The following STK39 variants were observed in gnomAD, a reference collection of about 807,000 sequenced individuals.
STK39 encodes the protein serine/threonine kinase 39, also known as STE20/SPS1-related proline-alanine-rich protein kinase.
In STK39, 20 loss-of-function variants were observed where a neutral mutation model predicts 77.8. That is an observed-to-expected ratio of 0.26 (90% confidence interval 0.18 to 0.37). STK39 has a LOEUF of 0.37. Ranked by LOEUF, STK39 falls within the 10% of genes least tolerant of loss-of-function variation. STK39 has a pLI of 1.00. For missense variants in STK39, 479 were observed against 656.5 expected (o/e 0.73, Z 2.95); for synonymous variants, 246 against 234.1 (o/e 1.05, Z -0.47).
At chr2:168,090,918 A>C (rs7581113) in intron 10 of STK39, among the ~76,000 whole-genome samples, 1,947 of 152,280 alleles carry the variant, frequency 0.013, 36 homozygotes, top group African/African-American at 0.045. Context: ...CTGCGAGGAA[A>C]GGCATGGTTC....
intron 14 of STK39, among the ~76,000 whole-genome samples, chr2:168,030,788 C>A (rs983335530): frequency 2.0e-5 from 3 of 152,156 alleles, no homozygotes; most frequent in Non-Finnish European, 4.4e-5. Flanking sequence ...CACTATAAAT[C>A]CTCAAGTTCA....
chr2:168,144,980 GAA>G (rs549856703), intron 5 of STK39, among the ~76,000 whole-genome samples: 1 of 125,884 alleles, frequency 7.9e-6, no homozygotes. Context: ...GCCCGTCTCA[GAA>G]AAAAAAAAAA....
intron 10 of STK39, among the ~76,000 whole-genome samples, chr2:168,085,407 T>C (rs1456166510): frequency 1.3e-5 from 2 of 152,222 alleles, no homozygotes; most frequent in African/African-American, 4.8e-5. Flanking sequence ...GGCAAATCTT[T>C]AAGACGTGTG....
chr2:168,187,969 A>G (rs1352702180), intron 1 of STK39, among the ~76,000 whole-genome samples: 1 of 152,202 alleles, frequency 6.6e-6, no homozygotes, highest in Non-Finnish European at 1.5e-5. Flanking sequence ...TGAGAAGCAC[A>G]AAGTTGGAAC....
At chr2:168,080,420 G>C (rs1247993957) in intron 10 of STK39, among the ~76,000 whole-genome samples, 1 of 152,082 alleles carries the variant, frequency 6.6e-6, no homozygotes, top group African/African-American at 2.4e-5. Context: ...ACAAGGTCAG[G>C]AGACTGAGAC....
chr2:168,049,774 C>T (rs1319409938), intron 14 of STK39, among the ~76,000 whole-genome samples: 2 of 152,220 alleles, frequency 1.3e-5, no homozygotes, highest in Non-Finnish European at 2.9e-5. Context: ...CTTGCCTGTG[C>T]CCTGCACTTG....
At chr2:168,066,587 T>C (rs548817032) in intron 12 of STK39, among the ~76,000 whole-genome samples, 6 of 152,360 alleles carry the variant, frequency 3.9e-5, no homozygotes, top group African/African-American at 9.6e-5. Context: ...ATAAACATTA[T>C]TGTGACTTCC....
chr2:168,208,016 C>T (rs893166627), intron 1 of STK39, among the ~76,000 whole-genome samples: 2 of 152,188 alleles, frequency 1.3e-5, no homozygotes, highest in Non-Finnish European at 2.9e-5. Context: ...CAGAAACTGG[C>T]TCATTATTTG....
At chr2:168,031,830 T>C (rs903859424) in intron 14 of STK39, among the ~76,000 whole-genome samples, 1 of 152,216 alleles carries the variant, frequency 6.6e-6, no homozygotes, top group African/African-American at 2.4e-5. Flanking sequence ...GGTTCTTTGT[T>C]AAGGCAGCCC....
At chr2:168,065,254 T>C (rs1456442139) in intron 13 of STK39, 65 bp downstream of exon 13, 1 of 1,533,330 alleles carries the variant, frequency 6.5e-7, no homozygotes, top group Non-Finnish European at 9.0e-7. Flanking sequence ...CTTTCTAAAA[T>C]GTTGGTTTTT....
At chr2:168,051,780 T>C (rs1000941088) in intron 14 of STK39, among the ~76,000 whole-genome samples, 7 of 152,200 alleles carry the variant, frequency 4.6e-5, no homozygotes, top group South Asian at 2.1e-4. Context: ...AAGGTTGATA[T>C]TGGCATTTGA....
At chr2:168,047,487 C>A (rs1263083380) in intron 14 of STK39, among the ~76,000 whole-genome samples, 1 of 152,172 alleles carries the variant, frequency 6.6e-6, no homozygotes, top group Non-Finnish European at 1.5e-5. Context: ...ACTGAGCTGA[C>A]CTTGTATCTG....
At chr2:168,191,519 T>C (rs145449852) in intron 1 of STK39, among the ~76,000 whole-genome samples, 6 of 152,272 alleles carry the variant, frequency 3.9e-5, no homozygotes, top group African/African-American at 1.2e-4. Context: ...TAACTACACA[T>C]CAGCCACACC....
At chr2:168,158,102 T>TA (rs1473604344) in intron 5 of STK39, among the ~76,000 whole-genome samples, 2 of 152,192 alleles carry the variant, frequency 1.3e-5, no homozygotes, top group African/African-American at 4.8e-5. Flanking sequence ...AATTGGAAGA[T>TA]AAAATGCTAT....
chr2:168,145,388 A>C (rs1302231084), intron 5 of STK39, among the ~76,000 whole-genome samples: 1 of 152,118 alleles, frequency 6.6e-6, no homozygotes, highest in African/African-American at 2.4e-5. Flanking sequence ...GCCCTGTGTG[A>C]AGCCCTGGAG....
chr2:168,030,912 C>T (rs1469017957), intron 14 of STK39, among the ~76,000 whole-genome samples: 2 of 152,178 alleles, frequency 1.3e-5, no homozygotes, highest in African/African-American at 4.8e-5. Flanking sequence ...AAGGAAACAT[C>T]CATGCACGAG....
At chr2:168,039,943 C>T (rs1435914848) in intron 14 of STK39, among the ~76,000 whole-genome samples, 4 of 152,098 alleles carry the variant, frequency 2.6e-5, no homozygotes, top group Non-Finnish European at 4.4e-5. Context: ...AGAAATGTCC[C>T]ATTCAGGCAC....
At chr2:168,124,119 ATG>A (rs1430179743) in intron 10 of STK39, among the ~76,000 whole-genome samples, 3 of 152,180 alleles carry the variant, frequency 2.0e-5, no homozygotes, top group African/African-American at 4.8e-5. Context: ...GACAGCAGCG[ATG>A]TGATACCCTT....
chr2:168,188,618 T>C (rs905457610), intron 1 of STK39, among the ~76,000 whole-genome samples: 14 of 152,234 alleles, frequency 9.2e-5, no homozygotes, highest in African/African-American at 2.9e-4. Flanking sequence ...AAAATGTTCA[T>C]GTCATATGGT....
Sources: gnomAD v4.1 joint callset for allele counts (sites outside exome capture counted in the v4.1 genomes callset) on GRCh38, gnomAD v4.1.1 for gene constraint, MANE v1.5 for transcripts, NCBI Gene and HGNC (gene_info 2026-07-23, HGNC 2026-07-21) for gene names.